NTRK2: variants seen among roughly 807,000 people sequenced by gnomAD.
NTRK2 encodes BDNF/NT-3 growth factors receptor.
In NTRK2, 13 loss-of-function variants were observed where a neutral mutation model predicts 94.5. The observed-to-expected ratio is 0.14, with a 90% CI of 0.09 to 0.22. The LOEUF is 0.22. Ranked by LOEUF, NTRK2 falls within the 10% of genes least tolerant of loss-of-function variation. The pLI, the probability that NTRK2 is intolerant of heterozygous loss-of-function variation, is 1.00. For missense variants in NTRK2, 639 were observed against 1,071.2 expected (o/e 0.60, Z 5.63); for synonymous variants, 372 against 407.4 (o/e 0.91, Z 1.05).
intron 12 of NTRK2, among the ~76,000 whole-genome samples, chr9:84,803,374 C>G (rs1435817031): frequency 6.6e-6 from 1 of 152,236 alleles, no homozygotes; most frequent in African/African-American, 2.4e-5. Flanking sequence ...GCTCCCTGCT[C>G]TGTGGCCACC....
At chr9:84,679,760 A>G (rs34572907) in intron 2 of NTRK2, among the ~76,000 whole-genome samples, 4,027 of 152,294 alleles carry the variant, frequency 0.026, 72 homozygotes, top group Admixed American at 0.044. Context: ...AGCCTGCTTC[A>G]GTTCTTTTGG....
chr9:84,682,721 C>T (rs1175424847), intron 2 of NTRK2, among the ~76,000 whole-genome samples: 2 of 152,178 alleles, frequency 1.3e-5, no homozygotes, highest in Non-Finnish European at 2.9e-5. Context: ...CTTTGTCTTA[C>T]ATATATAGCA....
At chr9:84,854,114 A>T (rs537626207) in intron 12 of NTRK2, among the ~76,000 whole-genome samples, 9 of 151,772 alleles carry the variant, frequency 5.9e-5, no homozygotes, top group Non-Finnish European at 4.4e-5. Flanking sequence ...AAAAAAAAAG[A>T]AACAAACAAA....
At chr9:84,722,653 C>T (rs2132009725) in intron 6 of NTRK2, among the ~76,000 whole-genome samples, 1 of 152,278 alleles carries the variant, frequency 6.6e-6, no homozygotes, top group South Asian at 2.1e-4. Flanking sequence ...CCCTCTAAGA[C>T]ATGCCTACGT....
chr9:85,021,640 A>G lies in NTRK2; in HGVS notation c.*203A>G. On this transcript the variant is annotated 3_prime_UTR_variant, in exon 19 of 19. Transcript: ENST00000277120. Reference sequence around the variant, plus strand: ...ACAGTATTGACTTCTTTTTGGCATTATCTCTTTCTCTCTTTCCATCTCCCT... The same window carrying G: ...ACAGTATTGACTTCTTTTTGGCATTGTCTCTTTCTCTCTTTCCATCTCCCT... 3.2e-6 allele frequency: 2 copies of G among 617,454 alleles called. No individual in the cohort carries two copies. Among genetic ancestry groups the G allele is most frequent in the Non-Finnish European group, 2.9e-6 (1 of 344,470 alleles). 38.2% of individuals were successfully genotyped at this position (617,454 alleles called of 1,614,324 possible).
intron 12 of NTRK2, among the ~76,000 whole-genome samples, chr9:84,832,434 A>G (rs1446065752): frequency 6.6e-6 from 1 of 152,216 alleles, no homozygotes; most frequent in Non-Finnish European, 1.5e-5. Flanking sequence ...TGCTGCAGAG[A>G]TCCAGGGAAG....
chr9:84,810,778 C>G, intron 12 of NTRK2: 1 of 1,429,612 alleles, frequency 7.0e-7, no homozygotes, highest in East Asian at 2.5e-5. Flanking sequence ...TGGGGAACAC[C>G]AATGCAGAGG....
Position 85,026,657 on chromosome 9 carries a change from C to T in NTRK2, c.*5220C>T, listed in dbSNP as rs1360973361. ...TTACAAATCTGCCTGGAGATGTGGACATTCTGCATTTGCTTCTGTATCTGG... is the reference window on the plus strand; with the variant it reads ...TTACAAATCTGCCTGGAGATGTGGATATTCTGCATTTGCTTCTGTATCTGG... On this transcript the variant is annotated 3_prime_UTR_variant, in exon 19 of 19. Transcript: ENST00000277120. The T allele has an allele frequency of 4.3e-6, 1 of 232,856 alleles. No homozygotes were observed. 14.4% of individuals were successfully genotyped at this position (232,856 alleles called of 1,614,324 possible). A position where few individuals can be genotyped will look rare whatever the true frequency, so the allele number is the denominator to read the frequency against.
At chr9:84,830,128 T>G (rs2073441313) in intron 12 of NTRK2, among the ~76,000 whole-genome samples, 1 of 152,202 alleles carries the variant, frequency 6.6e-6, no homozygotes, top group Non-Finnish European at 1.5e-5. Flanking sequence ...TGTAGACTTA[T>G]GCTAAGTATG....
At position 84,790,004 on chromosome 9, in the gene NTRK2, T is replaced by C. The variant is rs545202859; in HGVS notation, c.1396+37919T>C. On this transcript the variant is annotated intron_variant, in intron 12 of 18. Coordinates refer to ENST00000277120, the MANE Select transcript of NTRK2 (RefSeq NM_006180.6). ...TTCAAATGTTCCACTTATTCTCCTG[T>C]CTACATTCCAAACTCTATGGTATTG... Among the ~76,000 whole-genome samples the C allele has an allele frequency of 6.6e-5, 10 of 152,326 alleles. No homozygotes were observed. The East Asian group carries it at 1.7e-3, about 26-fold the overall frequency.
At chr9:84,887,342 G>T (rs1228153983) in intron 14 of NTRK2, among the ~76,000 whole-genome samples, 1 of 152,094 alleles carries the variant, frequency 6.6e-6, no homozygotes, top group Non-Finnish European at 1.5e-5. Context: ...ATCTTTTGGG[G>T]GTTAACTTAC....
At chr9:84,869,012 G>A (rs1587750524) in intron 14 of NTRK2, among the ~76,000 whole-genome samples, 2 of 152,120 alleles carry the variant, frequency 1.3e-5, no homozygotes, top group Non-Finnish European at 1.5e-5. Flanking sequence ...AAGTAGACCC[G>A]ATCAGCCCAA....
chr9:84,897,522 G>A (rs1433236295), intron 14 of NTRK2, among the ~76,000 whole-genome samples: 2 of 152,198 alleles, frequency 1.3e-5, no homozygotes, highest in African/African-American at 4.8e-5. Flanking sequence ...CCATAGTTCG[G>A]ACTCCTGCTG....
At chr9:84,945,946 A>C (rs2078585940) in intron 15 of NTRK2, among the ~76,000 whole-genome samples, 1 of 152,162 alleles carries the variant, frequency 6.6e-6, no homozygotes, top group Admixed American at 6.5e-5. Context: ...TCTCCAGCTC[A>C]GATCTGCTCC....
intron 17 of NTRK2, among the ~76,000 whole-genome samples, chr9:84,981,356 C>T (rs1379804103): frequency 6.6e-6 from 1 of 152,090 alleles, no homozygotes; most frequent in Non-Finnish European, 1.5e-5. Flanking sequence ...CCCACCTCGG[C>T]TTCCCAAAGT....
intron 14 of NTRK2, among the ~76,000 whole-genome samples, chr9:84,922,010 TA>T (rs538279060): frequency 8.5e-4 from 129 of 152,304 alleles, no homozygotes; most frequent in Non-Finnish European, 1.6e-3. Context: ...TTCTTAAAAT[TA>T]AAAAAATCTA....
intron 17 of NTRK2, among the ~76,000 whole-genome samples, chr9:84,973,405 C>G (rs1191525167): frequency 6.6e-6 from 1 of 152,110 alleles, no homozygotes; most frequent in Non-Finnish European, 1.5e-5. Flanking sequence ...TCATTCAGTA[C>G]CAGAACACCT....
At chr9:84,813,495 A>G (rs2052976967) in intron 12 of NTRK2, 1 of 1,065,130 alleles carries the variant, frequency 9.4e-7, no homozygotes, top group Non-Finnish European at 1.1e-6. Context: ...TTGCAAATTC[A>G]CTTTTCTTTC....
chr9:84,819,113 C>T (rs892573107), intron 12 of NTRK2, among the ~76,000 whole-genome samples: 1 of 151,978 alleles, frequency 6.6e-6, no homozygotes, highest in African/African-American at 2.4e-5. Context: ...CAGTAAGTTC[C>T]CTCCCTCTCT....
Sources: allele counts gnomAD v4.1 joint callset (sites outside exome capture counted in the v4.1 genomes callset), GRCh38; gene constraint gnomAD v4.1.1; transcripts MANE v1.5; gene names NCBI Gene and HGNC (gene_info 2026-07-23, HGNC 2026-07-21).